ATP11C: variants seen among roughly 807,000 people sequenced by gnomAD.
ATP11C encodes ATPase phospholipid transporting 11C (ATP11C blood group).
In ATP11C, 36 loss-of-function variants were observed where a neutral mutation model predicts 97.4. The observed-to-expected ratio is 0.37, with a 90% CI of 0.28 to 0.49. ATP11C has a LOEUF of 0.49. ATP11C is among the 20% of genes least tolerant of loss of function. The probability of loss-of-function intolerance (pLI) is 0.98; values close to 1 mark genes in which losing one functional copy is unlikely to be tolerated. For missense variants in ATP11C, 730 were observed against 824.6 expected (o/e 0.89, Z 1.40); for synonymous variants, 275 against 290.9 (o/e 0.95, Z 0.56).
chrX:139,857,394 T>G (rs1399196610), intron 1 of ATP11C, among the ~76,000 whole-genome samples: 1 of 111,965 alleles, frequency 8.9e-6, no homozygotes, highest in Non-Finnish European at 1.9e-5. Flanking sequence ...ATTCTTTTCC[T>G]TCTACTTTTA....
At chrX:139,753,081 A>C (rs2185026) in intron 23 of ATP11C, among the ~76,000 whole-genome samples, 4,962 of 111,465 alleles carry the variant, frequency 0.045, 123 homozygotes, top group Non-Finnish European at 0.061. Context: ...AAATTAACAA[A>C]GATATTCAGG....
chrX:139,874,209 ATTTTTT>A (rs140962708), intron 1 of ATP11C, among the ~76,000 whole-genome samples: 1 of 82,016 alleles, frequency 1.2e-5, no homozygotes, highest in Non-Finnish European at 2.2e-5. Flanking sequence ...TGCCTGGCTA[ATTTTTT>A]TTTTTTTTTT....
intron 2 of ATP11C, among the ~76,000 whole-genome samples, chrX:139,826,419 T>G (rs2083530308): frequency 9.0e-6 from 1 of 111,038 alleles, no homozygotes; most frequent in African/African-American, 3.3e-5. Flanking sequence ...AAGTAAGTAA[T>G]TTGTATTTTT....
chrX:139,838,727 T>C (rs2083783845), intron 1 of ATP11C, among the ~76,000 whole-genome samples: 1 of 112,243 alleles, frequency 8.9e-6, no homozygotes, highest in Admixed American at 9.4e-5. Flanking sequence ...GGTGGGCGGA[T>C]CACCTGAGGT....
At chrX:139,926,598 C>T (rs1409208973) in intron 1 of ATP11C, among the ~76,000 whole-genome samples, 2 of 112,141 alleles carry the variant, frequency 1.8e-5, no homozygotes, top group African/African-American at 6.5e-5. Flanking sequence ...TAAAAATGGC[C>T]AGCTTCACCT....
chrX:139,833,155 G>A (rs1365817340), intron 1 of ATP11C, among the ~76,000 whole-genome samples: 1 of 112,152 alleles, frequency 8.9e-6, no homozygotes, highest in Non-Finnish European at 1.9e-5. Context: ...AGGTCTGCCA[G>A]TTCAAATACA....
intron 1 of ATP11C, among the ~76,000 whole-genome samples, chrX:139,854,033 G>C (rs1234110160): frequency 9.0e-6 from 1 of 111,374 alleles, no homozygotes; most frequent in East Asian, 2.8e-4. Flanking sequence ...ACTCCCTTCA[G>C]GACAGGACAA....
intron 22 of ATP11C, among the ~76,000 whole-genome samples, chrX:139,761,570 TC>T (rs1569440574): frequency 3.6e-5 from 4 of 110,712 alleles, no homozygotes; most frequent in African/African-American, 1.3e-4. Flanking sequence ...CCTCAAGTGA[TC>T]CTCCCGCCTT....
intron 1 of ATP11C, among the ~76,000 whole-genome samples, chrX:139,877,024 AG>A (rs752202218): frequency 2.4e-3 from 269 of 112,416 alleles, no homozygotes; most frequent in African/African-American, 7.7e-3. Context: ...CATGCTAATG[AG>A]GGAAACAGGA....
At chrX:139,744,397 C>T in intron 25 of ATP11C, among the ~76,000 whole-genome samples, 2 of 111,690 alleles carry the variant, frequency 1.8e-5, no homozygotes, top group South Asian at 7.5e-4. Flanking sequence ...ACAGTAAAAC[C>T]TTATTAATTT....
upstream of ATP11C, chrX:139,933,214 C>T (rs983288106): frequency 1.8e-5 from 2 of 111,009 alleles, no homozygotes; most frequent in Non-Finnish European, 3.8e-5. Context: ...GGAGCTCCCC[C>T]ACACGCTAGT....
chrX:139,872,055 C>G (rs1162231211), intron 1 of ATP11C, among the ~76,000 whole-genome samples: 1 of 110,840 alleles, frequency 9.0e-6, no homozygotes, highest in African/African-American at 3.3e-5. Context: ...CCTTCAGTCC[C>G]TATTTGGCTG....
At chrX:139,782,790 ACTCTGT>A in intron 17 of ATP11C, 62 bp from the exon 18 acceptor site, 7 of 849,009 alleles carry the variant, frequency 8.2e-6, no homozygotes, top group Non-Finnish European at 1.2e-5. Flanking sequence ...AAAAAAACAC[ACTCTGT>A]AAATACTCTT....
At chrX:139,922,273 T>TATATATATATATATATATATA (rs2085278168) in intron 1 of ATP11C, among the ~76,000 whole-genome samples, 1 of 85,369 alleles carries the variant, frequency 1.2e-5, no homozygotes, top group Non-Finnish European at 2.3e-5. Flanking sequence ...TATATATGCA[T>TATATATATATATATATATATA]TTTTTTTAAA....
chrX:139,761,325 A>C (rs1444298542), intron 22 of ATP11C, among the ~76,000 whole-genome samples: 1 of 111,580 alleles, frequency 9.0e-6, no homozygotes, highest in Non-Finnish European at 1.9e-5. Flanking sequence ...ATCTCAAAAA[A>C]ATTGTAAAAA....
At chrX:139,742,754 C>T (rs1033343256) in intron 26 of ATP11C, among the ~76,000 whole-genome samples, 3 of 108,970 alleles carry the variant, frequency 2.8e-5, no homozygotes, top group Non-Finnish European at 5.7e-5. Context: ...AAAATTACCT[C>T]CCTTTTGTTT....
chrX:139,733,124 G>A (rs2081379615), intron 28 of ATP11C, among the ~76,000 whole-genome samples: 1 of 111,846 alleles, frequency 8.9e-6, no homozygotes, highest in Non-Finnish European at 1.9e-5. Flanking sequence ...AATTTGATTG[G>A]TTTCCCTGTT....
At chrX:139,789,051 A>T in intron 13 of ATP11C, among the ~76,000 whole-genome samples, 2 of 110,347 alleles carry the variant, frequency 1.8e-5, no homozygotes, top group Middle Eastern at 4.6e-3. Context: ...AAATACAAAA[A>T]AATTAGCCAG....
At chrX:139,928,368 A>G (rs772812454) in intron 1 of ATP11C, among the ~76,000 whole-genome samples, 11 of 111,307 alleles carry the variant, frequency 9.9e-5, no homozygotes, top group Non-Finnish European at 2.1e-4. Context: ...AATAAAATCA[A>G]TATTTTCCCG....
Sources: gnomAD v4.1 joint callset for allele counts (sites outside exome capture counted in the v4.1 genomes callset) on GRCh38, gnomAD v4.1.1 for gene constraint, MANE v1.5 for transcripts, NCBI Gene and HGNC (gene_info 2026-07-23, HGNC 2026-07-21) for gene names.